MC2R: variants seen among roughly 807,000 people sequenced by gnomAD.
MC2R encodes the protein adrenocorticotropic hormone receptor.
A neutral mutation model predicts 9.8 loss-of-function variants in MC2R; 9 were observed. The observed-to-expected ratio is 0.92, with a 90% CI of 0.55 to 1.60. The LOEUF is 1.60. Ranked by LOEUF, MC2R falls within the 40% of genes most tolerant of loss-of-function variation. MC2R has a pLI of 0.00. For missense variants in MC2R, 370 were observed against 389.0 expected, an observed-to-expected ratio of 0.95 and a Z score of 0.41; for synonymous variants, 185 against 154.7, an observed-to-expected ratio of 1.20 and a Z score of -1.45.
intron 1 of MC2R, among the ~76,000 whole-genome samples, chr18:13,902,497 T>C (rs1304475063): frequency 2.0e-5 from 3 of 152,144 alleles, no homozygotes; most frequent in Admixed American, 6.6e-5. Context: ...AACAGACACA[T>C]AGACCAATGA....
intron 1 of MC2R, among the ~76,000 whole-genome samples, chr18:13,907,816 A>G (rs2045422165): frequency 6.6e-6 from 1 of 152,200 alleles, no homozygotes; most frequent in African/African-American, 2.4e-5. Context: ...AATGAAAATC[A>G]AAGCTACAAT....
intron 1 of MC2R, among the ~76,000 whole-genome samples, chr18:13,890,718 A>G (rs1429814330): frequency 6.6e-6 from 1 of 152,160 alleles, no homozygotes; most frequent in Non-Finnish European, 1.5e-5. Context: ...GTATGTGTGG[A>G]TATGTATGAA....
chr18:13,910,398 C>T (rs565601515), intron 1 of MC2R, among the ~76,000 whole-genome samples: 4 of 152,238 alleles, frequency 2.6e-5, no homozygotes, highest in African/African-American at 9.6e-5. Context: ...TGTTCTTTTT[C>T]ACTGTTTTGT....
Position 13,883,760 on chromosome 18 carries a change from A to G in MC2R, c.*865T>C, listed in dbSNP as rs1412235774. Reference sequence around the variant, plus strand: ...ACATAGTTTGGTTACAGCTTCTTCAAATAGTGACAATTTTCATCTGGCCTT... The same window carrying G: ...ACATAGTTTGGTTACAGCTTCTTCAGATAGTGACAATTTTCATCTGGCCTT... On this transcript the variant is annotated 3_prime_UTR_variant, in exon 2 of 2. Coordinates refer to ENST00000327606, the MANE Select transcript of MC2R (RefSeq NM_000529.2). 1 of 151,994 alleles carries G rather than the reference A, an allele frequency of 6.6e-6. No individual in the cohort carries two copies. Among genetic ancestry groups the G allele is most frequent in the Non-Finnish European group, 1.5e-5 (1 of 68,030 alleles). 9.4% of individuals were successfully genotyped at this position (151,994 alleles called of 1,614,324 possible). A position where few individuals can be genotyped will look rare whatever the true frequency, so the allele number is the denominator to read the frequency against.
intron 1 of MC2R, among the ~76,000 whole-genome samples, chr18:13,911,122 T>G (rs539105251): frequency 1.3e-5 from 2 of 152,116 alleles, no homozygotes; most frequent in Non-Finnish European, 2.9e-5. Context: ...AGAGCTGCGG[T>G]GATTGCTAGA....
intron 1 of MC2R, among the ~76,000 whole-genome samples, chr18:13,914,715 CA>C (rs1389202181): frequency 6.6e-6 from 1 of 152,188 alleles, no homozygotes; most frequent in East Asian, 1.9e-4. Context: ...GCAGCTTAGA[CA>C]AACTGAAATA....
intron 1 of MC2R, among the ~76,000 whole-genome samples, chr18:13,910,553 G>C (rs1379359432): frequency 6.6e-6 from 1 of 152,214 alleles, no homozygotes; most frequent in African/African-American, 2.4e-5. Context: ...GTTTCTTGCT[G>C]TTTTGCAAGT....
At chr18:13,899,691 A>G (rs2045367290) in intron 1 of MC2R, among the ~76,000 whole-genome samples, 3 of 152,188 alleles carry the variant, frequency 2.0e-5, no homozygotes. Flanking sequence ...AGGCCAGGAG[A>G]GAGTGGCATG....
Position 13,915,093 on chromosome 18 carries a change from C to T in MC2R, c.-129+395G>A, listed in dbSNP as rs143228122. On this transcript the variant is annotated intron_variant, in intron 1 of 1. Transcript: ENST00000327606. The stretch of plus-strand genomic sequence containing the variant: ...CACGTCTTTGTGGCGCTAAAACCCC[C>T]GCACTCTTACACCTAGACAAGCTGA... 2.1e-4 allele frequency among the ~76,000 whole-genome samples: 32 copies of T among 152,252 alleles called. No individual in the cohort carries two copies. In the East Asian group the frequency reaches 4.5e-3, roughly 21 times the overall value.
At chr18:13,910,781 G>A (rs1207215511) in intron 1 of MC2R, among the ~76,000 whole-genome samples, 1 of 152,142 alleles carries the variant, frequency 6.6e-6, no homozygotes, top group Non-Finnish European at 1.5e-5. Flanking sequence ...AGGATAGAGA[G>A]GCAGCTTGGA....
chr18:13,889,976 G>A (rs76199640), intron 1 of MC2R, among the ~76,000 whole-genome samples: 13,592 of 152,110 alleles, frequency 0.089, 983 homozygotes, highest in African/African-American at 0.19. Flanking sequence ...GATCTGTTTG[G>A]CTCCAAAAAT....
At chr18:13,908,785 T>A (rs1292879681) in intron 1 of MC2R, among the ~76,000 whole-genome samples, 1 of 150,136 alleles carries the variant, frequency 6.7e-6, no homozygotes, top group African/African-American at 2.4e-5. Flanking sequence ...CATCAAATTT[T>A]AATGGTGGTT....
At chr18:13,908,332 T>A (rs1351138932) in intron 1 of MC2R, among the ~76,000 whole-genome samples, 3 of 152,086 alleles carry the variant, frequency 2.0e-5, no homozygotes. Context: ...GTAAATCTCA[T>A]GAAGACAGAT....
chr18:13,903,289 C>T (rs2045391531), intron 1 of MC2R, among the ~76,000 whole-genome samples: 1 of 152,136 alleles, frequency 6.6e-6, no homozygotes, highest in Non-Finnish European at 1.5e-5. Flanking sequence ...TTTGGAGATT[C>T]CTTGAAAAAT....
At chr18:13,901,049 T>C (rs1192073162) in intron 1 of MC2R, among the ~76,000 whole-genome samples, 2 of 152,130 alleles carry the variant, frequency 1.3e-5, no homozygotes, top group African/African-American at 4.8e-5. Context: ...GTCAAGTATC[T>C]TCTCTGACCA....
At chr18:13,891,593 C>T (rs1244333808) in intron 1 of MC2R, among the ~76,000 whole-genome samples, 1 of 152,188 alleles carries the variant, frequency 6.6e-6, no homozygotes, top group Admixed American at 6.5e-5. Context: ...AAAGTGCTGT[C>T]AGGCTTTTGG....
At chr18:13,900,428 G>A (rs1298288534) in intron 1 of MC2R, among the ~76,000 whole-genome samples, 2 of 152,038 alleles carry the variant, frequency 1.3e-5, no homozygotes, top group Non-Finnish European at 2.9e-5. Flanking sequence ...AATGTAAATG[G>A]ACTAAACTCT....
rs569245556 is a variant in MC2R, at chr18:13,887,175, G to A, written c.-128-1529C>T. On this transcript the variant is annotated intron_variant, in intron 1 of 1. Coordinates refer to ENST00000327606, the MANE Select transcript of MC2R (RefSeq NM_000529.2). ...CCTGCTGGGGAAGCCTCGGGGATGG[G>A]AGGGGAAGCCTGTGTGCTGTGTCCC... Among the ~76,000 whole-genome samples, 24 of 128,886 alleles carry A rather than the reference G, an allele frequency of 1.9e-4. 1 individual carries two copies. Among genetic ancestry groups the A allele is most frequent in the Admixed American group, 3.1e-4 (4 of 13,066 alleles). 84.6% of individuals were successfully genotyped at this position (128,886 alleles called of 152,430 possible). A position where few individuals can be genotyped will look rare whatever the true frequency, so the allele number is the denominator to read the frequency against.
chr18:13,893,736 A>G (rs1022588999), intron 1 of MC2R, among the ~76,000 whole-genome samples: 1 of 141,584 alleles, frequency 7.1e-6, no homozygotes, highest in Non-Finnish European at 1.5e-5. Flanking sequence ...GAAGTTGTAG[A>G]CAGCACTCAA....
Sources: gnomAD v4.1 joint callset for allele counts (sites outside exome capture counted in the v4.1 genomes callset) on GRCh38, gnomAD v4.1.1 for gene constraint, MANE v1.5 for transcripts, NCBI Gene and HGNC (gene_info 2026-07-23, HGNC 2026-07-21) for gene names.